The following SLC39A12 variants were observed in gnomAD, a reference collection of about 807,000 sequenced individuals.
SLC39A12 encodes the protein solute carrier family 39 member 12.
A neutral mutation model predicts 71.1 loss-of-function variants in SLC39A12; 63 were observed. The observed-to-expected ratio is 0.89, with a 90% CI of 0.72 to 1.09. The LOEUF is 1.09. Ranked by LOEUF, SLC39A12 falls within the 50% of genes least tolerant of loss-of-function variation. SLC39A12 has a pLI of 0.00. For missense variants in SLC39A12, 892 were observed against 812.6 expected, an observed-to-expected ratio of 1.10 and a Z score of -1.19; for synonymous variants, 351 against 301.3, an observed-to-expected ratio of 1.16 and a Z score of -1.71.
chr10:17,992,974 GACA>G (rs1835592443), intron 8 of SLC39A12, among the ~76,000 whole-genome samples: 1 of 152,242 alleles, frequency 6.6e-6, no homozygotes, highest in African/African-American at 2.4e-5. Flanking sequence ...TAAATAAAAA[GACA>G]GTGTAAAAAC....
intron 4 of SLC39A12, among the ~76,000 whole-genome samples, chr10:17,969,635 A>T (rs552666998): frequency 3.3e-5 from 5 of 152,218 alleles, no homozygotes; most frequent in African/African-American, 1.2e-4. Context: ...TTTGGATCAA[A>T]TTATTAGATT....
At chr10:18,037,615 A>G (rs961758420) in intron 12 of SLC39A12, among the ~76,000 whole-genome samples, 2 of 115,304 alleles carry the variant, frequency 1.7e-5, no homozygotes, top group African/African-American at 4.9e-5. Flanking sequence ...GGAAATATAT[A>G]TGTAAGAAAG....
intron 11 of SLC39A12, among the ~76,000 whole-genome samples, chr10:18,001,383 C>G (rs530571585): frequency 1.3e-5 from 2 of 151,908 alleles, no homozygotes; most frequent in African/African-American, 4.8e-5. Context: ...GTGTGGTGGC[C>G]CAGGCCTGTA....
chr10:18,038,516 G>T (rs959733619), intron 12 of SLC39A12, among the ~76,000 whole-genome samples: 1 of 152,088 alleles, frequency 6.6e-6, no homozygotes, highest in Non-Finnish European at 1.5e-5. Flanking sequence ...CAGGTGTGGT[G>T]GTGTGTGCCT....
intron 4 of SLC39A12, among the ~76,000 whole-genome samples, chr10:17,970,165 G>C (rs1834932334): frequency 6.6e-6 from 1 of 152,146 alleles, no homozygotes; most frequent in African/African-American, 2.4e-5. Context: ...TTTTATGCCA[G>C]TACTTCCTGT....
chr10:18,030,724 C>T (rs1410212262), intron 12 of SLC39A12, among the ~76,000 whole-genome samples: 1 of 150,102 alleles, frequency 6.7e-6, no homozygotes, highest in Non-Finnish European at 1.5e-5. Context: ...ATGTGCCATG[C>T]TGGTGTGCTG....
chr10:18,008,444 G>A (rs943421477), intron 12 of SLC39A12: 14 of 152,112 alleles, frequency 9.2e-5, no homozygotes, highest in African/African-American at 3.4e-4. Flanking sequence ...CAATATTATG[G>A]TGAGTTGCAT....
At chr10:18,013,346 T>TTTTTTTTTATTA (rs57028037) in intron 12 of SLC39A12, among the ~76,000 whole-genome samples, 3 of 139,834 alleles carry the variant, frequency 2.1e-5, no homozygotes, top group African/African-American at 8.2e-5. Flanking sequence ...TCCAACTTTA[T>TTTTTTTTTATTA]TTATTATTAT....
At chr10:17,958,747 A>G (rs142357464) in intron 2 of SLC39A12, among the ~76,000 whole-genome samples, 13 of 152,344 alleles carry the variant, frequency 8.5e-5, no homozygotes, top group African/African-American at 3.1e-4. Flanking sequence ...TGTTCTTTGC[A>G]GTATCCTTGC....
At chr10:18,006,343 G>C (rs1197223761) in intron 12 of SLC39A12, among the ~76,000 whole-genome samples, 1 of 152,180 alleles carries the variant, frequency 6.6e-6, no homozygotes, top group Non-Finnish European at 1.5e-5. Flanking sequence ...AAGTAGAATT[G>C]GCTTATTCAA....
chr10:17,970,674 T>TTG (rs61528284), intron 4 of SLC39A12, among the ~76,000 whole-genome samples: 3,539 of 145,452 alleles, frequency 0.024, 117 homozygotes, highest in East Asian at 0.18. Flanking sequence ...TTCTAATAGT[T>TTG]TGTGTGTGTG....
intron 12 of SLC39A12, among the ~76,000 whole-genome samples, chr10:18,014,592 T>C (rs2130866134): frequency 6.6e-6 from 1 of 152,308 alleles, no homozygotes; most frequent in South Asian, 2.1e-4. Flanking sequence ...GTTTTTCCCT[T>C]CTTCAATTTT....
chr10:18,014,720 AT>A (rs950430408), intron 12 of SLC39A12, among the ~76,000 whole-genome samples: 1 of 152,214 alleles, frequency 6.6e-6, no homozygotes, highest in Non-Finnish European at 1.5e-5. Flanking sequence ...GACAAAATTA[AT>A]CCTTGCATGA....
At chr10:17,972,713 G>C (rs1439908526) in intron 4 of SLC39A12, among the ~76,000 whole-genome samples, 1 of 151,628 alleles carries the variant, frequency 6.6e-6, no homozygotes, top group Non-Finnish European at 1.5e-5. Context: ...TTTATTTTTA[G>C]TCTATGTGTG....
intron 12 of SLC39A12, among the ~76,000 whole-genome samples, chr10:18,005,039 A>G (rs1835971748): frequency 7.2e-6 from 1 of 139,816 alleles, no homozygotes; most frequent in African/African-American, 2.6e-5. Context: ...ACACATGGAC[A>G]TAGGGACGGG....
rs370346833 is a variant in SLC39A12, at chr10:18,008,392, C to T, written c.1947+5034C>T. 1.8e-4 allele frequency among the ~76,000 whole-genome samples: 27 copies of T among 152,180 alleles called. No individual in the cohort carries two copies. The South Asian group carries it at 4.2e-3, about 23-fold the overall frequency. ...ATCTCCCATCACCTCCAGATGGGGC[C>T]GACTAGTTGCAGGAAAACAAGCTTA... is the stretch of plus-strand genomic sequence containing the variant. On this transcript the variant is annotated intron_variant, in intron 12 of 12. Coordinates refer to ENST00000377369, the MANE Select transcript of SLC39A12 (RefSeq NM_001145195.2).
chr10:17,986,392 A>G lies in SLC39A12; in HGVS notation c.1097-1087A>G, dbSNP rs1463430955. Among the ~76,000 whole-genome samples the G allele has an allele frequency of 3.9e-5, 6 of 152,218 alleles. No homozygotes were observed. In the East Asian group the frequency reaches 5.8e-4, roughly 15 times the overall value. ...TGGCTTATGTAAACAACAGACATCT[A>G]TTTCTCACAGTTCTGGAGGTTGGGA... On this transcript the variant is annotated intron_variant, in intron 6 of 12. Coordinates refer to ENST00000377369, the MANE Select transcript of SLC39A12 (RefSeq NM_001145195.2).
intron 10 of SLC39A12, among the ~76,000 whole-genome samples, chr10:18,000,024 A>G (rs1469325546): frequency 1.3e-5 from 2 of 152,228 alleles, no homozygotes; most frequent in African/African-American, 2.4e-5. Flanking sequence ...ACAAACTACC[A>G]TAGACTGGAT....
intron 4 of SLC39A12, among the ~76,000 whole-genome samples, chr10:17,975,028 A>T (rs1835074881): frequency 6.6e-6 from 1 of 151,996 alleles, no homozygotes; most frequent in South Asian, 2.1e-4. Context: ...GAGGAGCCTT[A>T]CTCTGTGGCC....
Sources: gnomAD v4.1 joint callset for allele counts (sites outside exome capture counted in the v4.1 genomes callset) on GRCh38, gnomAD v4.1.1 for gene constraint, MANE v1.5 for transcripts, NCBI Gene and HGNC (gene_info 2026-07-23, HGNC 2026-07-21) for gene names.